NTM: variants seen among roughly 807,000 people sequenced by gnomAD.
NTM encodes the protein IgLON family member 2.
A neutral mutation model predicts 42.1 loss-of-function variants in NTM; 13 were observed. That is an observed-to-expected ratio of 0.31 (90% CI 0.20 to 0.49). NTM has a LOEUF of 0.49. NTM is among the 20% of genes least tolerant of loss of function. The pLI is 0.99. For missense variants in NTM, 373 were observed against 452.8 expected, an observed-to-expected ratio of 0.82 and a Z score of 1.60; for synonymous variants, 187 against 179.2, an observed-to-expected ratio of 1.04 and a Z score of -0.35.
intron 1 of NTM, among the ~76,000 whole-genome samples, chr11:131,630,034 C>T (rs1214742364): frequency 6.6e-6 from 1 of 152,032 alleles, no homozygotes; most frequent in Non-Finnish European, 1.5e-5. Flanking sequence ...TCAAGCAGTA[C>T]AAAGGGAGGA....
intron 1 of NTM, chr11:131,767,127 G>T (rs1241602526): frequency 1.7e-5 from 17 of 982,680 alleles, no homozygotes; most frequent in Non-Finnish European, 2.1e-5. Flanking sequence ...CTCATGTAAG[G>T]ATCAACAGTT....
At chr11:131,612,862 G>A (rs893657304) in intron 1 of NTM, among the ~76,000 whole-genome samples, 2 of 152,138 alleles carry the variant, frequency 1.3e-5, no homozygotes, top group African/African-American at 4.8e-5. Context: ...TCCCTACCCG[G>A]GTCCCTCTGT....
chr11:131,493,045 C>T (rs867278057), intron 1 of NTM, among the ~76,000 whole-genome samples: 100 of 151,258 alleles, frequency 6.6e-4, no homozygotes, highest in African/African-American at 2.3e-3. Flanking sequence ...CGGTGAACCT[C>T]GTCACTACCA....
intron 1 of NTM, among the ~76,000 whole-genome samples, chr11:131,845,702 T>C (rs1162260903): frequency 6.6e-6 from 1 of 151,866 alleles, no homozygotes; most frequent in Non-Finnish European, 1.5e-5. Flanking sequence ...AAAAAATACA[T>C]TCCTGGATTT....
chr11:132,083,656 G>A (rs1434065582), intron 2 of NTM, among the ~76,000 whole-genome samples: 1 of 151,582 alleles, frequency 6.6e-6, no homozygotes, highest in Non-Finnish European at 1.5e-5. Context: ...ATCCCCAGGG[G>A]GCTTTTATTG....
intron 4 of NTM, among the ~76,000 whole-genome samples, chr11:132,226,928 A>G (rs571746075): frequency 2.0e-5 from 3 of 152,210 alleles, no homozygotes; most frequent in African/African-American, 7.2e-5. Flanking sequence ...TTGTCCATCA[A>G]AAACTCCAAG....
At chr11:132,314,029 G>A (rs1276155247) in intron 6 of NTM, among the ~76,000 whole-genome samples, 14 of 151,918 alleles carry the variant, frequency 9.2e-5, no homozygotes, top group Non-Finnish European at 2.9e-5. Flanking sequence ...AAAAAATTAA[G>A]TATTATCTAT....
Position 132,146,806 on chromosome 11 carries a change from A to G in NTM, c.400+292A>G, listed in dbSNP as rs143655577. On this transcript the variant is annotated intron_variant, in intron 3 of 8. Coordinates refer to ENST00000683400, the MANE Select transcript of NTM (RefSeq NM_001352005.2). This position sits in a 1 kb window ranked among gnomAD's most constrained non-coding sequence, Gnocchi z 4.5. ...CTTTTTTCTCCCCTAAGTTTTAGTTATTTTTGTTTGTTTGTTTTTTGTTTT... is the reference window on the plus strand; with the variant it reads ...CTTTTTTCTCCCCTAAGTTTTAGTTGTTTTTGTTTGTTTGTTTTTTGTTTT... The G allele has an allele frequency of 1.6e-3, 607 of 390,542 alleles. 4 individuals carry two copies. The highest frequency in any genetic ancestry group is 0.012 in the African/African-American group (563 of 47,914). The allele number at this position is 390,542 out of a possible 1,614,324, so 24.2% of individuals were successfully genotyped here. A position where few individuals can be genotyped will look rare whatever the true frequency, so the allele number is the denominator to read the frequency against.
chr11:131,517,420 G>A (rs1565590539), intron 1 of NTM, among the ~76,000 whole-genome samples: 1 of 152,094 alleles, frequency 6.6e-6, no homozygotes, highest in Non-Finnish European at 1.5e-5. Context: ...AGTGCATCCC[G>A]ATGTTATAAT....
intron 1 of NTM, chr11:131,534,182 T>C (rs1220827876): frequency 2.6e-5 from 4 of 152,218 alleles, no homozygotes; most frequent in African/African-American, 9.7e-5. Context: ...TTTCCCTGAA[T>C]AATAAGTGAA....
chr11:132,286,821 G>T (rs1219902055), intron 4 of NTM, among the ~76,000 whole-genome samples: 1 of 152,196 alleles, frequency 6.6e-6, no homozygotes, highest in African/African-American at 2.4e-5. Context: ...AAACTAGGGA[G>T]ATGCATCAGA....
At chr11:131,533,033 C>T (rs2051534981) in intron 1 of NTM, among the ~76,000 whole-genome samples, 1 of 152,110 alleles carries the variant, frequency 6.6e-6, no homozygotes, top group Admixed American at 6.5e-5. Flanking sequence ...TTTAATAAAA[C>T]ACAGCTCTGC....
At chr11:131,508,822 G>A (rs866754917) in intron 1 of NTM, among the ~76,000 whole-genome samples, 28 of 150,246 alleles carry the variant, frequency 1.9e-4, no homozygotes, top group Non-Finnish European at 2.5e-4. Flanking sequence ...ACTCATAGGT[G>A]GGAATTGAAC....
intron 2 of NTM, among the ~76,000 whole-genome samples, chr11:131,928,865 A>G (rs1426929767): frequency 1.3e-5 from 2 of 152,172 alleles, no homozygotes; most frequent in Non-Finnish European, 2.9e-5. Flanking sequence ...CTCTTTCTCA[A>G]CCACCCACCC....
chr11:131,734,976 T>G (rs1193779897), intron 1 of NTM, among the ~76,000 whole-genome samples: 1 of 152,044 alleles, frequency 6.6e-6, no homozygotes, highest in African/African-American at 2.4e-5. Context: ...CAGTGACAGG[T>G]GCTAACAAGA....
chr11:132,326,121 A>G (rs983563752), intron 7 of NTM, among the ~76,000 whole-genome samples: 1 of 152,168 alleles, frequency 6.6e-6, no homozygotes, highest in African/African-American at 2.4e-5. Flanking sequence ...TACATATGTA[A>G]CAAACCTGCA....
rs1027139634 is a variant in NTM, at chr11:132,336,291, A to AGAT, written c.*1149_*1151dup. The AGAT allele has an allele frequency of 3.9e-5, 6 of 152,460 alleles. No individual in the cohort carries two copies. The highest frequency in any genetic ancestry group is 1.4e-4 in the African/African-American group (6 of 41,394). 9.4% of individuals were successfully genotyped at this position (152,460 alleles called of 1,614,324 possible). ...GTTAGCTGTGTGTTGATCTTCTAAA[A>AGAT]GATGATAGAGTTTACTGGTAATTGT... On this transcript the variant is annotated 3_prime_UTR_variant, in exon 9 of 9. Transcript: ENST00000683400.
intron 1 of NTM, among the ~76,000 whole-genome samples, chr11:131,636,221 C>T (rs1396892996): frequency 1.3e-5 from 2 of 152,154 alleles, no homozygotes; most frequent in Non-Finnish European, 2.9e-5. Flanking sequence ...GTCTCGGATG[C>T]AGAAAAACTA....
intron 3 of NTM, among the ~76,000 whole-genome samples, chr11:132,164,457 G>A (rs887022763): frequency 6.6e-5 from 10 of 152,096 alleles, no homozygotes; most frequent in South Asian, 2.1e-4. Context: ...TCAACTTTGC[G>A]TTTTCAAAAG....
Sources: gnomAD v4.1 joint callset for allele counts (sites outside exome capture counted in the v4.1 genomes callset) on GRCh38, gnomAD v4.1.1 for gene constraint, Gnocchi (gnomAD v3.1) non-coding constraint, MANE v1.5 for transcripts, NCBI Gene and HGNC (gene_info 2026-07-23, HGNC 2026-07-21) for gene names.